The following FBXW8 variants were observed in gnomAD, a reference collection of about 807,000 sequenced individuals.
FBXW8 encodes the protein F-box/WD repeat-containing protein 8.
In FBXW8, 57 loss-of-function variants were observed where a neutral mutation model predicts 65.3. That is an observed-to-expected ratio of 0.87 (90% CI 0.71 to 1.09). The LOEUF (loss-of-function observed/expected upper bound fraction) is 1.09. FBXW8 is among the 50% of genes least tolerant of loss of function. FBXW8 has a pLI of 0.00. For missense variants in FBXW8, 777 were observed against 814.8 expected (o/e 0.95, Z 0.57); for synonymous variants, 308 against 330.2 (o/e 0.93, Z 0.73).
At chr12:116,966,920 T>C (rs1217595166) in intron 5 of FBXW8, among the ~76,000 whole-genome samples, 3 of 152,280 alleles carry the variant, frequency 2.0e-5, no homozygotes, top group Non-Finnish European at 4.4e-5. Context: ...GGTTTCACCA[T>C]GTTGGCCAGG....
intron 1 of FBXW8, among the ~76,000 whole-genome samples, chr12:116,912,179 T>C (rs963039921): frequency 2.7e-4 from 41 of 151,002 alleles, no homozygotes; most frequent in African/African-American, 9.5e-4. Context: ...CTGTTTTTTT[T>C]TTTTTTTCTT....
At chr12:116,991,952 A>G (rs976233355) in intron 7 of FBXW8, among the ~76,000 whole-genome samples, 3 of 152,182 alleles carry the variant, frequency 2.0e-5, no homozygotes, top group African/African-American at 7.2e-5. Context: ...TGGAGTAATA[A>G]TGGCTCAAAT....
At chr12:116,985,614 C>T (rs2135670196) in intron 6 of FBXW8, 1 of 514,986 alleles carries the variant, frequency 1.9e-6, no homozygotes, top group Non-Finnish European at 3.4e-6. Flanking sequence ...AGTGAACTGA[C>T]TTGCCCCAGT....
chr12:117,005,742 GAA>G (rs1169069134), intron 7 of FBXW8, among the ~76,000 whole-genome samples: 2 of 152,270 alleles, frequency 1.3e-5, no homozygotes, highest in African/African-American at 4.8e-5. Context: ...GGACGGAAAA[GAA>G]GAGAGCAGGC....
chr12:117,013,519 G>C (rs994208338), intron 8 of FBXW8, among the ~76,000 whole-genome samples: 15 of 152,034 alleles, frequency 9.9e-5, no homozygotes, highest in Non-Finnish European at 2.1e-4. Context: ...TCGGCATTAG[G>C]GCTGGCTGCT....
At chr12:116,989,048 C>T (rs1953172539) in intron 7 of FBXW8, among the ~76,000 whole-genome samples, 179 bp downstream of exon 7, 1 of 152,142 alleles carries the variant, frequency 6.6e-6, no homozygotes, top group Non-Finnish European at 1.5e-5. Context: ...CATTTTCTTT[C>T]TCCTCCCTTC....
intron 2 of FBXW8, among the ~76,000 whole-genome samples, chr12:116,937,500 A>G (rs1449585135): frequency 6.6e-6 from 1 of 152,196 alleles, no homozygotes; most frequent in East Asian, 1.9e-4. Context: ...CCTTGGGACC[A>G]TGGGATAAAT....
At chr12:117,004,765 T>C (rs913223670) in intron 7 of FBXW8, among the ~76,000 whole-genome samples, 19 of 151,196 alleles carry the variant, frequency 1.3e-4, no homozygotes, top group African/African-American at 4.2e-4. Flanking sequence ...GGCAGATGCT[T>C]GGTCTCCTGT....
chr12:116,959,983 A>G (rs911851367), intron 4 of FBXW8, among the ~76,000 whole-genome samples: 7 of 152,176 alleles, frequency 4.6e-5, no homozygotes, highest in Non-Finnish European at 7.3e-5. Context: ...CTTTGCACAG[A>G]CGCTAATTAG....
At chr12:117,022,519 G>T (rs553046681) in intron 8 of FBXW8, among the ~76,000 whole-genome samples, 1 of 152,194 alleles carries the variant, frequency 6.6e-6, no homozygotes, top group Non-Finnish European at 1.5e-5. Flanking sequence ...GCCTGGTGTG[G>T]TAGCACGTGC....
intron 6 of FBXW8, 187 bp downstream of exon 6, chr12:116,985,589 C>T: frequency 1.7e-6 from 1 of 599,028 alleles, no homozygotes; most frequent in South Asian, 2.2e-5. Flanking sequence ...GAAGCCACTT[C>T]AGGCTGCTTA....
intron 5 of FBXW8, among the ~76,000 whole-genome samples, chr12:116,969,431 A>T (rs890622876): frequency 6.6e-6 from 1 of 152,230 alleles, no homozygotes; most frequent in Non-Finnish European, 1.5e-5. Context: ...CGACACTATG[A>T]TATTTACACT....
At chr12:116,929,056 T>C (rs867739836) in intron 2 of FBXW8, among the ~76,000 whole-genome samples, 1 of 152,198 alleles carries the variant, frequency 6.6e-6, no homozygotes, top group Non-Finnish European at 1.5e-5. Flanking sequence ...TCTGCCCGCC[T>C]TGGCCTCTCA....
Position 117,010,358 on chromosome 12 carries a change from C to T in FBXW8, c.1275C>T (p.Leu425=). The change falls in exon 8 of 11, where the codon CTC becomes CTT. Residue 425 remains leucine (L), a synonymous_variant. Transcript: ENST00000652555. ...ATAGCCTGGAAGCAGGACGCCGCCT[C>T]TTGAAGCTGGGTAACGTTCTCCGTG... ...LVYSLEAGRR[L]LKLGNVLRDF... 6.2e-7 allele frequency: 1 copy of T among 1,614,260 alleles called. No homozygotes were observed. Among genetic ancestry groups the T allele is most frequent in the East Asian group, 2.2e-5 (1 of 44,880 alleles).
At chr12:116,931,499 A>T (rs914208795) in intron 2 of FBXW8, among the ~76,000 whole-genome samples, 1 of 152,146 alleles carries the variant, frequency 6.6e-6, no homozygotes, top group Non-Finnish European at 1.5e-5. Context: ...CTTCCAATCC[A>T]TGAACATGGA....
At chr12:116,939,354 C>T (rs747163232) in intron 2 of FBXW8, among the ~76,000 whole-genome samples, 4 of 152,204 alleles carry the variant, frequency 2.6e-5, no homozygotes, top group Non-Finnish European at 4.4e-5. Flanking sequence ...GGATACTCAA[C>T]GTGTATCCCC....
At chr12:116,925,515 C>T (rs117204820) in intron 1 of FBXW8, among the ~76,000 whole-genome samples, 12 of 152,238 alleles carry the variant, frequency 7.9e-5, no homozygotes, top group Non-Finnish European at 1.5e-4. Flanking sequence ...ATGGACCTTC[C>T]GTTAGTGTAT....
chr12:116,926,603 GGC>G (rs1881341761), intron 1 of FBXW8, among the ~76,000 whole-genome samples: 2 of 152,096 alleles, frequency 1.3e-5, no homozygotes, highest in African/African-American at 4.8e-5. Context: ...TATTTTTTTA[GGC>G]AAGCACCCCT....
At chr12:116,962,506 A>T (rs969789818) in intron 4 of FBXW8, among the ~76,000 whole-genome samples, 1 of 152,194 alleles carries the variant, frequency 6.6e-6, no homozygotes, top group Admixed American at 6.5e-5. Context: ...CACTGAAAAC[A>T]GTGTGCAGAC....
Sources: allele counts gnomAD v4.1 joint callset (sites outside exome capture counted in the v4.1 genomes callset), GRCh38; gene constraint gnomAD v4.1.1; transcripts MANE v1.5; gene names NCBI Gene and HGNC (gene_info 2026-07-23, HGNC 2026-07-21).